The following COL5A3 variants were observed in gnomAD, a reference collection of about 807,000 sequenced individuals.
The protein encoded by COL5A3 is collagen alpha-3(V) chain.
COL5A3 carries 172 observed loss-of-function variants against 250.0 expected under a neutral mutation model. The ratio of observed to expected loss-of-function variants is 0.69; its 90% confidence interval spans 0.61 to 0.78. The LOEUF (loss-of-function observed/expected upper bound fraction) is 0.78, where lower values mean the gene tolerates loss of function less well. COL5A3 is among the 30% of genes least tolerant of loss of function. The pLI, the probability that COL5A3 is intolerant of heterozygous loss-of-function variation, is 0.00. For synonymous variants in COL5A3, 937 were observed against 900.4 expected, an observed-to-expected ratio of 1.04 and a Z score of -0.73; for missense variants, 2,340 against 2,334.4, an observed-to-expected ratio of 1.00 and a Z score of -0.05.
Position 9,966,744 on chromosome 19 carries a change from AC to A in COL5A3, c.4460del (p.Gly1487ValfsTer37). ...GCAGCCCATGCAGCTCGGCAGGGGC[AC>A]CCTGGGCGTAGGGGATGGGGACGGA... Reference protein sequence around the residue: ...TGPAGPPGPPGAPAELHGLRR... With the variant: ...TGPAGPPGPPXAPAELHGLRR... On this transcript the variant is annotated frameshift_variant and splice_region_variant, in exon 63 of 67. Coordinates refer to ENST00000264828, the MANE Select transcript of COL5A3 (RefSeq NM_015719.4). LOFTEE classifies it high-confidence loss of function. 6.5e-7 allele frequency: 1 copy of A among 1,532,814 alleles called. No homozygotes were observed. 95.0% of individuals were successfully genotyped at this position (1,532,814 alleles called of 1,614,324 possible).
intron 24 of COL5A3, 124 bp downstream of exon 24, chr19:9,991,486 A>G: frequency 1.3e-6 from 1 of 764,312 alleles, no homozygotes; most frequent in Non-Finnish European, 2.1e-6. Flanking sequence ...GGGCTGGCTT[A>G]GGGAATGTTG....
intron 45 of COL5A3, 83 bp downstream of exon 45, chr19:9,976,475 T>C: frequency 9.6e-7 from 1 of 1,041,976 alleles, no homozygotes; most frequent in Non-Finnish European, 1.4e-6. Flanking sequence ...TTGGATTAAG[T>C]CAGTGTGCTT....
Position 9,978,898 on chromosome 19 carries a change from C to A in COL5A3, c.2957G>T (p.Gly986Val). 1 of 1,477,918 alleles carries A rather than the reference C, an allele frequency of 6.8e-7. No homozygotes were observed. Among genetic ancestry groups the A allele is most frequent in the Non-Finnish European group, 9.0e-7 (1 of 1,115,570 alleles). 91.6% of individuals were successfully genotyped at this position (1,477,918 alleles called of 1,614,324 possible). A position where few individuals can be genotyped will look rare whatever the true frequency, so the allele number is the denominator to read the frequency against. Residue 986 changes from glycine (G) to valine (V), a missense_variant, in exon 40 of 67, where the codon GGG (glycine) becomes GTG (valine). Transcript: ENST00000264828. ...RGFPGPKGGP[G>V]DPGPTGLKGD... Reference sequence around the variant, plus strand: ...GTCTCCAAAGATACTCACCGGGTCCCCAGGGCCCCCTTTGGGGCCGGGAAA... The same window carrying A: ...GTCTCCAAAGATACTCACCGGGTCCACAGGGCCCCCTTTGGGGCCGGGAAA...
rs928793696 is a variant in COL5A3 at position 10,005,839 on chromosome 19, G to A, written c.394C>T (p.Pro132Ser). ...ACCTGCTGGGGGAGGGGGCGGAAGG[G>A]GTCACCTAGGAGACCCAGCGCTGGC... is the stretch of plus-strand genomic sequence containing the variant. ...LGPALGLLGD[P>S]FRPLPQQVNL... is the part of the protein sequence containing the mutation. Residue 132 changes from proline (P) to serine (S), a missense_variant, in exon 3 of 67, where the codon CCC becomes TCC. Around this residue, in one of 3 missense-constraint regions of COL5A3, gnomAD observed 1,152 missense variants for 1,146.3 expected, o/e 1.00. Transcript: ENST00000264828. 13 of 1,613,144 alleles carry A rather than the reference G, an allele frequency of 8.1e-6. No homozygotes were observed. Among genetic ancestry groups the A allele is most frequent in the Non-Finnish European group, 1.1e-5 (13 of 1,179,784 alleles).
rs1030808185 is a variant in COL5A3 at position 9,991,115 on chromosome 19, G to A, written c.1992+495C>T. Among the ~76,000 whole-genome samples, 7 of 152,242 alleles carry A rather than the reference G, an allele frequency of 4.6e-5. No homozygotes were observed. In the East Asian group the frequency reaches 5.8e-4, roughly 13 times the overall value. On this transcript the variant is annotated intron_variant, in intron 24 of 66. Transcript: ENST00000264828. The stretch of plus-strand genomic sequence containing the variant: ...AAATTAGCCAGGCACAGTGGCATGC[G>A]CTGATAGTCCCAGCTACTCGGGTGG...
At chr19:10,004,262 C>A (rs766882219) in intron 4 of COL5A3, 117 bp from the exon 5 acceptor site, 4 of 690,538 alleles carry the variant, frequency 5.8e-6, no homozygotes, top group East Asian at 5.4e-5. Context: ...AATGCTCCCC[C>A]ACCCAGAGCA....
Position 9,989,479 on chromosome 19 carries a change from T to A in COL5A3, c.2036A>T (p.Asp679Val), listed in dbSNP as rs767468431. 6.2e-7 allele frequency: 1 copy of A among 1,613,452 alleles called. No homozygotes were observed. The highest frequency in any genetic ancestry group is 1.1e-5 in the South Asian group (1 of 90,978). ...GCTCATGGTTCTCACCAGAGGGCCATCGGATCCTGGGAGGCCTGGAATTCC... is the reference window on the plus strand; with the variant it reads ...GCTCATGGTTCTCACCAGAGGGCCAACGGATCCTGGGAGGCCTGGAATTCC... ...NPGIPGLPGS[D>V]GPLGHPGHEG... is the part of the protein sequence containing the mutation. Residue 679 changes from aspartate to valine, a missense_variant, in exon 25 of 67, where the codon GAT becomes GTT. Transcript: ENST00000264828.
At position 9,979,156 on chromosome 19, in the gene COL5A3, G is replaced by C. The variant is rs753459044; in HGVS notation, c.2850C>G (p.Gly950=). ...PGPPGEQGLP[G]LEGREGAKGE... ...CCTTGGCCCCCTCTCTGCCTTCCAG[G>C]CCAGGAAGACCTTGTTCACCAGGAG... The change falls in exon 39 of 67, where the codon GGC becomes GGG. Residue 950 remains glycine, a synonymous_variant. Coordinates refer to ENST00000264828, the MANE Select transcript of COL5A3 (RefSeq NM_015719.4). 1.3e-6 allele frequency: 2 copies of C among 1,594,724 alleles called. No homozygotes were observed. Among genetic ancestry groups the C allele is most frequent in the South Asian group, 2.3e-5 (2 of 88,356 alleles).
chr19:9,967,778 A>G (rs527823371), intron 61 of COL5A3, 126 bp downstream of exon 61: 3 of 925,964 alleles, frequency 3.2e-6, no homozygotes, highest in East Asian at 5.4e-5. Context: ...TGTTGAATAA[A>G]TATTTGTCGA....
chr19:10,001,814 A>G lies in COL5A3; in HGVS notation c.917T>C (p.Val306Ala), dbSNP rs1274529795. Residue 306 changes from valine (V) to alanine (A), a missense_variant, in exon 7 of 67, where the codon GTC (valine) becomes GCC (alanine). Transcript: ENST00000264828. ...TCCAGTAGTCACAGTGGAGGTGACG[A>G]CCAAAGGCGTGGGGGTCGGAGGCAG... Reference protein sequence around the residue: ...PNLPPTPTPLVVTSTVTTGLN... With the variant: ...PNLPPTPTPLAVTSTVTTGLN... 6.2e-7 allele frequency: 1 copy of G among 1,614,068 alleles called. No homozygotes were observed. The highest frequency in any genetic ancestry group is 8.5e-7 in the Non-Finnish European group (1 of 1,180,008).
chr19:9,979,692 A>G (rs990946987), intron 37 of COL5A3, 147 bp downstream of exon 37: 19 of 803,486 alleles, frequency 2.4e-5, no homozygotes, highest in Non-Finnish European at 3.8e-5. Context: ...AGGCTGAGGC[A>G]GGAGAATTGC....
chr19:9,988,789 G>A (rs8107579), intron 27 of COL5A3, among the ~76,000 whole-genome samples: 58,203 of 135,310 alleles, frequency 0.43, 13,073 homozygotes, highest in African/African-American at 0.61. Flanking sequence ...AGTGGAGATC[G>A]CTCCACTGCA....
At position 9,966,639 on chromosome 19, in the gene COL5A3, C is replaced by A; in HGVS notation, c.4566G>T (p.Ser1522=). ...GCAGCTGCTCCAGCTCCAAGCTCAG[C>A]GATGTGAGCGAGGCCAGCACCTCCT... is the stretch of plus-strand genomic sequence containing the variant. ...GLEEVLASLT[S]LSLELEQLRR... The change falls in exon 63 of 67, where the codon TCG becomes TCT. Residue 1522 remains serine (S), a synonymous_variant. Transcript: ENST00000264828. 7.8e-6 allele frequency: 12 copies of A among 1,538,288 alleles called. No homozygotes were observed. Among genetic ancestry groups the A allele is most frequent in the Non-Finnish European group, 1.0e-5 (12 of 1,147,062 alleles).
At chr19:9,977,729 T>A (rs771393833) in intron 41 of COL5A3, 28 bp from the exon 42 acceptor site, 7 of 1,503,102 alleles carry the variant, frequency 4.7e-6, no homozygotes, top group Non-Finnish European at 6.2e-6. Context: ...GAATCAGGTA[T>A]AATACCAGTA....
intron 51 of COL5A3, among the ~76,000 whole-genome samples, chr19:9,972,060 T>C (rs2086855188): frequency 6.6e-6 from 1 of 152,254 alleles, no homozygotes. Context: ...TGTCCATTCA[T>C]TCATGCATCC....
intron 65 of COL5A3, among the ~76,000 whole-genome samples, chr19:9,961,954 CT>C (rs1205321682): frequency 2.0e-5 from 3 of 152,118 alleles, no homozygotes; most frequent in African/African-American, 7.2e-5. Context: ...TCTGAATCTA[CT>C]TTTTGAACTG....
chr19:9,964,854 T>TAAAAA (rs57037583), intron 64 of COL5A3, among the ~76,000 whole-genome samples: 12 of 49,008 alleles, frequency 2.4e-4, no homozygotes, highest in Non-Finnish European at 3.8e-4. Flanking sequence ...CCATCTCTAC[T>TAAAAA]AAAAAAAAAA....
At chr19:9,965,336 TTAGTAGAGACAGGGTTTCACC>T (rs1472810876) in intron 64 of COL5A3, among the ~76,000 whole-genome samples, 1 of 150,994 alleles carries the variant, frequency 6.6e-6, no homozygotes, top group African/African-American at 2.4e-5. Context: ...TTGCATTTTT[TTAGTAGAGACAGGGTTTCACC>T]ATGTTAGCTA....
In COL5A3 at chr19:9,960,139, G is replaced by C. The variant is rs1306058307; in HGVS notation, c.*272C>G. The C allele has an allele frequency of 2.0e-6, 1 of 504,868 alleles. No homozygotes were observed. The highest frequency in any genetic ancestry group is 3.6e-6 in the Non-Finnish European group (1 of 279,248). 31.3% of individuals were successfully genotyped at this position (504,868 alleles called of 1,614,324 possible). ...CATTGCATGGGGGTTCAAGGGGTGG[G>C]GAGGTGAGGCTTGGGTGGGGAGGGA... is the stretch of plus-strand genomic sequence containing the variant. On this transcript the variant is annotated 3_prime_UTR_variant, in exon 67 of 67. Transcript: ENST00000264828.
Sources: allele counts gnomAD v4.1 joint callset (sites outside exome capture counted in the v4.1 genomes callset), GRCh38; gene constraint gnomAD v4.1.1; regional missense constraint gnomAD v4.1.1; transcripts MANE v1.5; gene names NCBI Gene and HGNC (gene_info 2026-07-23, HGNC 2026-07-21).